The following ZNF362 variants were observed in gnomAD, a reference collection of about 807,000 sequenced individuals.
ZNF362 encodes the protein rotund homolog.
In ZNF362, 11 loss-of-function variants were observed where a neutral mutation model predicts 42.9. The observed-to-expected ratio is 0.26, with a 90% CI of 0.16 to 0.42. The LOEUF (loss-of-function observed/expected upper bound fraction) is 0.42. Among genes scored for constraint, ZNF362 ranks in the 20% least tolerant of loss-of-function variants. ZNF362 has a pLI of 1.00. For synonymous variants in ZNF362, 255 were observed against 257.3 expected (o/e 0.99, Z 0.09); for missense variants, 362 against 576.2 (o/e 0.63, Z 3.81).
In ZNF362 at chr1:33,294,491, GTGTC is replaced by G. The variant is rs1646102773; in HGVS notation, c.909-443_909-440del. On this transcript the variant is annotated intron_variant, in intron 6 of 8. Coordinates refer to ENST00000539719, the MANE Select transcript of ZNF362 (RefSeq NM_152493.3). The surrounding 1 kb of genome is among the most constrained non-coding windows in gnomAD (Gnocchi z 4.2). ...GACATGGGGTAGGGACAGGAAATAAGTGTCTGGGGCCAATTAGAGGGAGATGTCT... is the reference window on the plus strand; with the variant it reads ...GACATGGGGTAGGGACAGGAAATAAGTGGGGCCAATTAGAGGGAGATGTCT... Among the ~76,000 whole-genome samples, 2 of 152,220 alleles carry G rather than the reference GTGTC, an allele frequency of 1.3e-5. No homozygotes were observed. The highest frequency in any genetic ancestry group is 6.5e-5 in the Admixed American group (1 of 15,284).
the ZNF362 span, among the ~76,000 whole-genome samples, chr1:33,180,809 G>C: frequency 6.6e-6 from 1 of 152,132 alleles, no homozygotes; most frequent in African/African-American, 2.4e-5. Flanking sequence ...TCAGGGTCCG[G>C]ACTGCCCAAG....
At chr1:33,143,909 G>A in the ZNF362 span, among the ~76,000 whole-genome samples, 3 of 152,202 alleles carry the variant, frequency 2.0e-5, no homozygotes, top group Admixed American at 6.5e-5. Flanking sequence ...GACCATGTGC[G>A]GCTCTGTGGA....
At chr1:33,159,051 G>A in the ZNF362 span, among the ~76,000 whole-genome samples, 8 of 151,874 alleles carry the variant, frequency 5.3e-5, no homozygotes, top group African/African-American at 1.9e-4. The surrounding 1 kb of genome is among the most constrained non-coding windows in gnomAD (Gnocchi z 4.2). Flanking sequence ...CACCATGTTA[G>A]TCAGGCTGGT....
the ZNF362 span, among the ~76,000 whole-genome samples, chr1:33,186,274 TC>T: frequency 2.6e-5 from 4 of 152,082 alleles, no homozygotes; most frequent in African/African-American, 9.7e-5. Flanking sequence ...CGAACCGTTC[TC>T]ATTTTTTGTG....
chr1:33,243,296 A>T, the ZNF362 span, among the ~76,000 whole-genome samples: 2 of 151,264 alleles, frequency 1.3e-5, no homozygotes, highest in Admixed American at 1.3e-4. Context: ...AGCCGGGACC[A>T]CAGGTGTGCC....
At chr1:33,127,684 C>G in the ZNF362 span, among the ~76,000 whole-genome samples, 1 of 152,254 alleles carries the variant, frequency 6.6e-6, no homozygotes, top group Non-Finnish European at 1.5e-5. Flanking sequence ...CTGTACGAAC[C>G]TAAGACTTGT....
chr1:33,228,000 G>C, the ZNF362 span, among the ~76,000 whole-genome samples: 1 of 152,144 alleles, frequency 6.6e-6, no homozygotes, highest in Admixed American at 6.5e-5. Context: ...TGTGAAAAGG[G>C]CTCAGGTTTA....
At chr1:33,179,363 G>T in the ZNF362 span, among the ~76,000 whole-genome samples, 1 of 152,204 alleles carries the variant, frequency 6.6e-6, no homozygotes, top group African/African-American at 2.4e-5. Context: ...GTGAACATGG[G>T]CCATTTCTCC....
chr1:33,288,002 A>C (rs1646044603), intron 6 of ZNF362, among the ~76,000 whole-genome samples: 1 of 152,256 alleles, frequency 6.6e-6, no homozygotes, highest in South Asian at 2.1e-4. Context: ...ATAATTCATG[A>C]ATCCTTAATA....
chr1:33,254,457 C>T (rs1023165743), upstream of ZNF362, among the ~76,000 whole-genome samples: 4 of 152,152 alleles, frequency 2.6e-5, no homozygotes, highest in African/African-American at 4.8e-5. Context: ...GATGGTTTCT[C>T]GGACTTTCCT....
the ZNF362 span, among the ~76,000 whole-genome samples, chr1:33,224,197 GATAA>G: frequency 6.6e-6 from 1 of 152,054 alleles, no homozygotes; most frequent in Non-Finnish European, 1.5e-5. Flanking sequence ...AAGTAACAGT[GATAA>G]ATAAATTAAA....
At chr1:33,187,716 C>T in the ZNF362 span, among the ~76,000 whole-genome samples, 7 of 152,238 alleles carry the variant, frequency 4.6e-5, no homozygotes, top group East Asian at 7.7e-4. Context: ...TTAGTAAAAC[C>T]ACAATTATGT....
the ZNF362 span, among the ~76,000 whole-genome samples, chr1:33,216,599 C>CAAAAAAAAAAAAAAAAAAAA: frequency 1.4e-5 from 1 of 71,898 alleles, no homozygotes; most frequent in African/African-American, 5.5e-5. Context: ...GACTCTGTCT[C>CAAAAAAAAAAAAAAAAAAAA]AAAAAAAAAA....
the ZNF362 span, chr1:33,147,774 T>C: frequency 6.3e-7 from 1 of 1,576,068 alleles, no homozygotes. This position sits in a 1 kb window ranked among gnomAD's most constrained non-coding sequence, Gnocchi z 8.1. Flanking sequence ...GAGAAGGCTG[T>C]GGACCCACCA....
At chr1:33,215,954 G>A in the ZNF362 span, among the ~76,000 whole-genome samples, 1 of 151,772 alleles carries the variant, frequency 6.6e-6, no homozygotes, top group African/African-American at 2.4e-5. Context: ...TCAAGGTGTT[G>A]CCAACTAAAC....
the ZNF362 span, among the ~76,000 whole-genome samples, chr1:33,234,630 C>A: frequency 1.3e-5 from 2 of 152,050 alleles, 1 homozygote; most frequent in South Asian, 4.2e-4. Flanking sequence ...TCCCGTTGAG[C>A]GAGAGGAAGC....
At chr1:33,231,455 T>C in the ZNF362 span, among the ~76,000 whole-genome samples, 4 of 152,176 alleles carry the variant, frequency 2.6e-5, no homozygotes, top group Non-Finnish European at 5.9e-5. Context: ...CAAATTATCA[T>C]TGCAAAGTTG....
chr1:33,152,852 G>T, the ZNF362 span, among the ~76,000 whole-genome samples: 1 of 152,156 alleles, frequency 6.6e-6, no homozygotes, highest in African/African-American at 2.4e-5. Context: ...CAGGGGGCGG[G>T]GAGAGCAGCC....
chr1:33,224,132 GA>G, the ZNF362 span, among the ~76,000 whole-genome samples: 3 of 151,642 alleles, frequency 2.0e-5, no homozygotes, highest in Admixed American at 2.0e-4. Flanking sequence ...AACATCAAGA[GA>G]AAAAAAATCA....
Sources: allele counts gnomAD v4.1 joint callset (sites outside exome capture counted in the v4.1 genomes callset), GRCh38; gene constraint gnomAD v4.1.1; non-coding constraint Gnocchi (gnomAD v3.1); transcripts MANE v1.5; gene names NCBI Gene and HGNC (gene_info 2026-07-23, HGNC 2026-07-21).